Variants in KCNIP4 observed in about 807,000 individuals in gnomAD.
KCNIP4 encodes the protein Kv channel-interacting protein 4.
In KCNIP4, 12 loss-of-function variants were observed where a neutral mutation model predicts 34.0. The ratio of observed to expected loss-of-function variants is 0.35; its 90% CI spans 0.23 to 0.57. The LOEUF (loss-of-function observed/expected upper bound fraction) is 0.57, where lower values mean the gene tolerates loss of function less well. Ranked by LOEUF, KCNIP4 falls within the 20% of genes least tolerant of loss-of-function variation. The pLI, the probability that KCNIP4 is intolerant of heterozygous loss-of-function variation, is 0.83. For missense variants in KCNIP4, 238 were observed against 311.7 expected (o/e 0.76, Z 1.78); for synonymous variants, 124 against 102.2 (o/e 1.21, Z -1.29).
At chr4:21,528,915 T>G (rs1248720286) in intron 1 of KCNIP4, among the ~76,000 whole-genome samples, 1 of 151,916 alleles carries the variant, frequency 6.6e-6, no homozygotes, top group African/African-American at 2.4e-5. Flanking sequence ...ACAGCTAAGC[T>G]GCAAGTTCTT....
intron 1 of KCNIP4, among the ~76,000 whole-genome samples, chr4:21,048,074 TCTCCACAA>T (rs1742592587): frequency 6.6e-6 from 1 of 152,230 alleles, no homozygotes; most frequent in Non-Finnish European, 1.5e-5. Flanking sequence ...TGTGCACCTA[TCTCCACAA>T]TTATTTTGTA....
At chr4:21,208,307 A>G (rs1756992420) in intron 1 of KCNIP4, among the ~76,000 whole-genome samples, 1 of 152,104 alleles carries the variant, frequency 6.6e-6, no homozygotes. Flanking sequence ...ACTCTTTCTC[A>G]TGATTCACCA....
At chr4:21,651,306 G>T (rs935057699) in intron 1 of KCNIP4, among the ~76,000 whole-genome samples, 1 of 152,168 alleles carries the variant, frequency 6.6e-6, no homozygotes, top group African/African-American at 2.4e-5. Flanking sequence ...CAAGTAAGCT[G>T]CTATCTTCAG....
intron 1 of KCNIP4, among the ~76,000 whole-genome samples, chr4:21,317,238 C>T (rs564023019): frequency 6.6e-6 from 1 of 152,236 alleles, no homozygotes; most frequent in East Asian, 1.9e-4. Flanking sequence ...TGCCAACTAT[C>T]CCCTTTTCAT....
intron 1 of KCNIP4, among the ~76,000 whole-genome samples, chr4:21,373,930 C>A (rs1355566279): frequency 1.4e-5 from 2 of 140,358 alleles, no homozygotes; most frequent in African/African-American, 6.2e-5. Flanking sequence ...GTCTCAAACT[C>A]CTGGCCTCAA....
intron 1 of KCNIP4, among the ~76,000 whole-genome samples, chr4:21,017,985 C>T (rs1302089767): frequency 6.6e-6 from 1 of 152,098 alleles, no homozygotes; most frequent in African/African-American, 2.4e-5. Context: ...ATTTTTAGTA[C>T]ATTAAAATAA....
intron 1 of KCNIP4, among the ~76,000 whole-genome samples, chr4:21,053,729 A>C (rs1743140721): frequency 6.6e-6 from 1 of 152,228 alleles, no homozygotes; most frequent in Admixed American, 6.5e-5. Flanking sequence ...ATGAACATAT[A>C]GAATTTGAAA....
intron 1 of KCNIP4, among the ~76,000 whole-genome samples, chr4:21,856,800 C>T (rs1040592241): frequency 2.6e-5 from 4 of 152,148 alleles, no homozygotes; most frequent in African/African-American, 7.2e-5. Flanking sequence ...CCACTCCAAG[C>T]GCCCACTCCA....
At chr4:21,421,114 T>C (rs1315423304) in intron 1 of KCNIP4, among the ~76,000 whole-genome samples, 5 of 152,100 alleles carry the variant, frequency 3.3e-5, no homozygotes, top group Non-Finnish European at 5.9e-5. Context: ...AAAATGGCTA[T>C]TATCAAAAAG....
intron 1 of KCNIP4, among the ~76,000 whole-genome samples, chr4:21,549,288 T>C (rs1028898846): frequency 1.3e-5 from 2 of 152,032 alleles, no homozygotes; most frequent in Non-Finnish European, 2.9e-5. Context: ...TTTGGATGCT[T>C]GTCCCCTCCA....
At chr4:20,774,667 G>A (rs577472372) in intron 3 of KCNIP4, among the ~76,000 whole-genome samples, 7 of 152,248 alleles carry the variant, frequency 4.6e-5, no homozygotes, top group Non-Finnish European at 8.8e-5. Context: ...TAATTTATAG[G>A]GAAGACTTCC....
chr4:21,091,397 G>T (rs1237357577), intron 1 of KCNIP4, among the ~76,000 whole-genome samples: 1 of 152,124 alleles, frequency 6.6e-6, no homozygotes, highest in Non-Finnish European at 1.5e-5. Context: ...TTCCAGAGAA[G>T]GGCATTAAGG....
intron 1 of KCNIP4, among the ~76,000 whole-genome samples, chr4:21,291,196 A>T (rs982551598): frequency 2.0e-5 from 3 of 152,158 alleles, no homozygotes; most frequent in African/African-American, 7.2e-5. Context: ...TTCATCTCCC[A>T]GAAAATCTTC....
At chr4:21,947,733 C>T (rs538852978) in intron 1 of KCNIP4, among the ~76,000 whole-genome samples, 1 of 152,258 alleles carries the variant, frequency 6.6e-6, no homozygotes, top group African/African-American at 2.4e-5. Context: ...GAGGTCCAGC[C>T]CTTTATCACT....
At chr4:21,155,505 G>A (rs1753076806) in intron 1 of KCNIP4, among the ~76,000 whole-genome samples, 1 of 152,194 alleles carries the variant, frequency 6.6e-6, no homozygotes. Context: ...GTCAGGTGAA[G>A]CTAGTTGATT....
chr4:20,852,115 C>T (rs977693923), intron 2 of KCNIP4, among the ~76,000 whole-genome samples: 1 of 152,112 alleles, frequency 6.6e-6, no homozygotes, highest in Non-Finnish European at 1.5e-5. Context: ...AAGGAAACCT[C>T]CCTAATTCAT....
At chr4:21,612,168 G>T (rs993124832) in intron 1 of KCNIP4, among the ~76,000 whole-genome samples, 2 of 152,014 alleles carry the variant, frequency 1.3e-5, no homozygotes, top group East Asian at 1.9e-4. Context: ...AAAAAAGGAG[G>T]TTTTTCTGTT....
chr4:21,597,297 G>A (rs746420350), intron 1 of KCNIP4, among the ~76,000 whole-genome samples: 1 of 151,956 alleles, frequency 6.6e-6, no homozygotes, highest in Non-Finnish European at 1.5e-5. Flanking sequence ...CTTGTCTGCC[G>A]CGATGTAAGA....
At chr4:21,540,633 C>A (rs190634287) in intron 1 of KCNIP4, among the ~76,000 whole-genome samples, 5 of 152,220 alleles carry the variant, frequency 3.3e-5, no homozygotes, top group Admixed American at 3.3e-4. Flanking sequence ...ATTTTAGTAG[C>A]TTATGAAAGG....
Sources: allele counts gnomAD v4.1 joint callset (sites outside exome capture counted in the v4.1 genomes callset), GRCh38; gene constraint gnomAD v4.1.1; transcripts MANE v1.5; gene names NCBI Gene and HGNC (gene_info 2026-07-23, HGNC 2026-07-21).